Variants in PDE1C observed in about 807,000 individuals in gnomAD.
The protein encoded by PDE1C is phosphodiesterase 1C, also known as dual specificity calcium/calmodulin-dependent 3',5'-cyclic nucleotide phosphodiesterase 1C.
In PDE1C, 62 loss-of-function variants were observed where a neutral mutation model predicts 93.1. That is an observed-to-expected ratio of 0.67 (90% CI 0.54 to 0.82). PDE1C has a LOEUF of 0.82. Among genes scored for constraint, PDE1C ranks in the 40% least tolerant of loss-of-function variants. The pLI is 0.00. For missense variants in PDE1C, 742 were observed against 884.6 expected (o/e 0.84, Z 2.04); for synonymous variants, 325 against 310.1 (o/e 1.05, Z -0.50).
intron 6 of PDE1C, 42 bp downstream of exon 6, chr7:31,873,249 TG>T (rs754931364): frequency 9.6e-6 from 11 of 1,143,542 alleles, no homozygotes; most frequent in Non-Finnish European, 1.4e-5. Context: ...GATAAACATA[TG>T]CATGTAGTTT....
chr7:32,387,198 TCAC>T (rs1173234270), intron 1 of PDE1C, among the ~76,000 whole-genome samples: 2 of 151,668 alleles, frequency 1.3e-5, no homozygotes, highest in East Asian at 1.9e-4. Flanking sequence ...GGGGATAAGG[TCAC>T]AGATCAACAG....
chr7:31,957,224 A>G lies in PDE1C; in HGVS notation c.129-76364T>C, dbSNP rs191723812. On this transcript the variant is annotated intron_variant, in intron 2 of 17. Coordinates refer to ENST00000396191, the MANE Select transcript of PDE1C (RefSeq NM_001191057.4). Reference sequence around the variant, plus strand: ...TATAAATGTAAAGAAGGTTTATGCAACCCCACGTTGACATTTCAAGCATAA... The same window carrying G: ...TATAAATGTAAAGAAGGTTTATGCAGCCCCACGTTGACATTTCAAGCATAA... Among the ~76,000 whole-genome samples the G allele has an allele frequency of 2.0e-5, 3 of 151,100 alleles. No homozygotes were observed. In the East Asian group the frequency reaches 5.8e-4, roughly 29 times the overall value.
intron 1 of PDE1C, among the ~76,000 whole-genome samples, chr7:32,414,080 G>C (rs1205705119): frequency 6.6e-6 from 1 of 151,912 alleles, no homozygotes; most frequent in Non-Finnish European, 1.5e-5. Context: ...AGGCGTGGTG[G>C]TGTGTGCCTG....
chr7:31,831,897 T>C (rs1156690183), intron 11 of PDE1C, among the ~76,000 whole-genome samples: 2 of 151,908 alleles, frequency 1.3e-5, no homozygotes, highest in African/African-American at 2.4e-5. Context: ...AAACAACAGA[T>C]GGGGAATACT....
chr7:32,000,817 C>T (rs1333410976), intron 2 of PDE1C, among the ~76,000 whole-genome samples: 4 of 152,190 alleles, frequency 2.6e-5, no homozygotes, highest in Non-Finnish European at 4.4e-5. Context: ...ACAGCCCCCA[C>T]ACCATTTCAT....
intron 2 of PDE1C, among the ~76,000 whole-genome samples, chr7:32,206,176 C>T (rs1472106894): frequency 1.3e-5 from 2 of 152,114 alleles, no homozygotes; most frequent in African/African-American, 4.8e-5. Flanking sequence ...TGGGGACTCT[C>T]CCACTAGCAT....
intron 9 of PDE1C, among the ~76,000 whole-genome samples, chr7:31,841,553 C>T (rs1377765473): frequency 3.3e-5 from 5 of 152,186 alleles, no homozygotes; most frequent in African/African-American, 1.2e-4. Context: ...CTGTTTCTGG[C>T]TTGCTGAGAG....
At chr7:31,708,350 C>CAAATTG in the PDE1C span, 1 of 152,194 alleles carries the variant, frequency 6.6e-6, no homozygotes, top group East Asian at 1.9e-4. Context: ...AATTTGGTAG[C>CAAATTG]TCTGTATGTA....
intron 3 of PDE1C, among the ~76,000 whole-genome samples, chr7:32,156,856 T>C (rs924319668): frequency 6.6e-6 from 1 of 152,206 alleles, no homozygotes; most frequent in Non-Finnish European, 1.5e-5. Flanking sequence ...TCCCCAAAGG[T>C]GATTTAATCA....
chr7:31,888,073 C>G (rs1442255488), intron 2 of PDE1C, among the ~76,000 whole-genome samples: 1 of 151,150 alleles, frequency 6.6e-6, no homozygotes, highest in African/African-American at 2.4e-5. Flanking sequence ...ATGGTGAAAC[C>G]CTGTCTCTAC....
chr7:31,735,742 T>C, the PDE1C span, among the ~76,000 whole-genome samples: 1 of 152,208 alleles, frequency 6.6e-6, no homozygotes, highest in Non-Finnish European at 1.5e-5. Context: ...TTTGGGTCTG[T>C]GGCTCTAGGG....
intron 1 of PDE1C, among the ~76,000 whole-genome samples, chr7:32,262,223 G>A (rs1234177174): frequency 6.6e-6 from 1 of 152,074 alleles, no homozygotes; most frequent in East Asian, 1.9e-4. Flanking sequence ...CGTTCTCTGT[G>A]ATTCCCACCT....
the PDE1C span, among the ~76,000 whole-genome samples, chr7:31,716,016 G>C: frequency 6.6e-6 from 1 of 152,124 alleles, no homozygotes; most frequent in African/African-American, 2.4e-5. Context: ...TCTTTTGATG[G>C]TTTTGCTGGA....
the PDE1C span, chr7:31,658,359 C>T: frequency 2.6e-6 from 4 of 1,517,852 alleles, no homozygotes; most frequent in East Asian, 2.5e-5. Context: ...AATCAAAAGA[C>T]TTTCTGAAGA....
intron 2 of PDE1C, among the ~76,000 whole-genome samples, chr7:31,966,826 C>T (rs562131755): frequency 3.7e-4 from 56 of 152,292 alleles, no homozygotes; most frequent in African/African-American, 1.1e-3. Flanking sequence ...CACTCAACTA[C>T]ATGGAAACTG....
At chr7:32,168,674 A>G (rs993809421) in intron 3 of PDE1C, among the ~76,000 whole-genome samples, 1 of 152,186 alleles carries the variant, frequency 6.6e-6, no homozygotes, top group Non-Finnish European at 1.5e-5. Context: ...CCAAGCCCTT[A>G]GTAGGAATAA....
intron 1 of PDE1C, among the ~76,000 whole-genome samples, chr7:32,313,447 T>C (rs1290966297): frequency 6.6e-6 from 1 of 151,940 alleles, no homozygotes; most frequent in Non-Finnish European, 1.5e-5. Flanking sequence ...TAAAGACACA[T>C]GCACACGTAT....
intron 3 of PDE1C, among the ~76,000 whole-genome samples, chr7:32,112,428 G>A (rs1282477898): frequency 6.6e-6 from 1 of 151,920 alleles, no homozygotes; most frequent in Non-Finnish European, 1.5e-5. Context: ...ATCCCTTCCT[G>A]ACCAATTTTA....
chr7:32,047,012 C>T (rs1792662623), intron 2 of PDE1C, among the ~76,000 whole-genome samples: 1 of 150,384 alleles, frequency 6.6e-6, no homozygotes, highest in African/African-American at 2.5e-5. Context: ...TTTCTTAATC[C>T]CCTATCATAC....
Sources: allele counts gnomAD v4.1 joint callset (sites outside exome capture counted in the v4.1 genomes callset), GRCh38; gene constraint gnomAD v4.1.1; transcripts MANE v1.5; gene names NCBI Gene and HGNC (gene_info 2026-07-23, HGNC 2026-07-21).